Variants in HUNK observed in about 807,000 individuals in gnomAD.
HUNK encodes hormonally up-regulated Neu-associated kinase.
Under a neutral mutation model 61.0 loss-of-function variants are expected in HUNK, and 21 were observed. That is an observed-to-expected ratio of 0.34 (90% confidence interval 0.24 to 0.50). The LOEUF is 0.50. HUNK is among the 20% of genes least tolerant of loss of function. HUNK has a pLI of 0.98. For synonymous variants in HUNK, 371 were observed against 386.1 expected (o/e 0.96, Z 0.46); for missense variants, 772 against 945.7 (o/e 0.82, Z 2.41).
At chr21:31,929,532 C>T (rs1242398600) in intron 2 of HUNK, among the ~76,000 whole-genome samples, 6 of 152,144 alleles carry the variant, frequency 3.9e-5, no homozygotes, top group African/African-American at 7.2e-5. Flanking sequence ...CAACTCTTAA[C>T]GTGAATCACC....
intron 1 of HUNK, among the ~76,000 whole-genome samples, chr21:31,904,867 G>A (rs529104697): frequency 2.0e-5 from 3 of 152,230 alleles, no homozygotes; most frequent in East Asian, 3.9e-4. Context: ...CAAGGTGAAC[G>A]GATCACCTGA....
chr21:31,885,462 T>A (rs556125854), intron 1 of HUNK, among the ~76,000 whole-genome samples: 1 of 152,150 alleles, frequency 6.6e-6, no homozygotes, highest in East Asian at 1.9e-4. Context: ...CTCTGCTTTG[T>A]CCCTCCTCAC....
In HUNK at chr21:31,999,732, T is replaced by A. The variant is rs1299211363; in HGVS notation, c.*548T>A. The A allele has an allele frequency of 6.2e-6, 1 of 160,406 alleles. No individual in the cohort carries two copies. The highest frequency in any genetic ancestry group is 1.9e-4 in the East Asian group (1 of 5,396). The allele number at this position is 160,406 out of a possible 1,614,324, so 9.9% of individuals were successfully genotyped here. On this transcript the variant is annotated 3_prime_UTR_variant, in exon 11 of 11. Coordinates refer to ENST00000270112, the MANE Select transcript of HUNK (RefSeq NM_014586.2). ...CCTCAGAGGAAGATGGAGAGGAGCT[T>A]CGGACCAAGATCAAACCAAACAGTG...
At chr21:31,902,810 A>G (rs1468588336) in intron 1 of HUNK, among the ~76,000 whole-genome samples, 1 of 152,214 alleles carries the variant, frequency 6.6e-6, no homozygotes, top group Non-Finnish European at 1.5e-5. Context: ...GCTTAAGTTA[A>G]TCAGACAGTT....
chr21:31,990,566 C>T (rs933624737), intron 9 of HUNK, among the ~76,000 whole-genome samples: 18 of 138,948 alleles, frequency 1.3e-4, no homozygotes, highest in African/African-American at 4.2e-4. Flanking sequence ...TATTGAGTCT[C>T]GCTCTGTCGC....
At chr21:31,996,486 C>G (rs2053206864) in intron 10 of HUNK, among the ~76,000 whole-genome samples, 1 of 152,176 alleles carries the variant, frequency 6.6e-6, no homozygotes, top group African/African-American at 2.4e-5. Context: ...AGCTCCCTCA[C>G]CTGAGTCAGA....
rs769966135 is a variant in HUNK at position 31,873,868 on chromosome 21, G to A, written c.194G>A (p.Ser65Asn). The part of the protein sequence containing the change: ...HKRVGNYLIG[S>N]RKLGEGSFAK... ...CGCGTGGGCAACTACCTCATCGGCA[G>A]CAGGAAGCTGGGCGAGGGCTCCTTT... The change falls in exon 1 of 11, where the codon AGC becomes AAC. Residue 65 changes from serine to asparagine, a missense_variant. Ser to Asn is a conservative substitution (Grantham distance 46). Coordinates refer to ENST00000270112, the MANE Select transcript of HUNK (RefSeq NM_014586.2). This position sits in a 1 kb window ranked among gnomAD's most constrained non-coding sequence, Gnocchi z 6.1. 6.3e-7 allele frequency: 1 copy of A among 1,587,396 alleles called. No individual in the cohort carries two copies. The highest frequency in any genetic ancestry group is 1.1e-5 in the South Asian group (1 of 87,602).
intron 1 of HUNK, among the ~76,000 whole-genome samples, chr21:31,917,750 A>ACACACACC (rs2052595063): frequency 7.5e-6 from 1 of 132,484 alleles, no homozygotes; most frequent in African/African-American, 2.8e-5. Flanking sequence ...ACACACACAC[A>ACACACACC]CACACACCCC....
intron 1 of HUNK, among the ~76,000 whole-genome samples, chr21:31,917,961 G>A (rs903230171): frequency 1.3e-5 from 2 of 152,158 alleles, no homozygotes; most frequent in African/African-American, 2.4e-5. Flanking sequence ...CCCGACTCAA[G>A]TAGTTTATTT....
chr21:31,998,482 T>C (rs770920854), intron 10 of HUNK, 44 bp from the exon 11 acceptor site: 4 of 1,501,274 alleles, frequency 2.7e-6, no homozygotes, highest in East Asian at 2.3e-5. Context: ...CCGTGAGCAC[T>C]GTCCGGACGT....
Position 31,946,032 on chromosome 21 carries a change from G to A in HUNK, c.611-4G>A, listed in dbSNP as rs1204828788. 3.8e-6 allele frequency: 6 copies of A among 1,584,012 alleles called. No homozygotes were observed. Among genetic ancestry groups the A allele is most frequent in the Non-Finnish European group, 5.2e-6 (6 of 1,158,236 alleles). Reference sequence around the variant, plus strand: ...GAGCTTGTTTTGTTCACCTCTCTTTGCAGACTTTGGTTTGAGCAACTGCGC... The same window carrying A: ...GAGCTTGTTTTGTTCACCTCTCTTTACAGACTTTGGTTTGAGCAACTGCGC... On this transcript the variant is annotated splice_polypyrimidine_tract_variant and splice_region_variant and intron_variant, in intron 3 of 10. Coordinates refer to ENST00000270112, the MANE Select transcript of HUNK (RefSeq NM_014586.2).
chr21:31,950,394 A>C (rs529624215), intron 4 of HUNK, among the ~76,000 whole-genome samples: 3 of 152,312 alleles, frequency 2.0e-5, no homozygotes, highest in East Asian at 3.9e-4. Context: ...CAGCTGGGTT[A>C]AGTCAGGAAG....
chr21:31,908,424 G>T (rs1358575451), intron 1 of HUNK, among the ~76,000 whole-genome samples: 1 of 152,126 alleles, frequency 6.6e-6, no homozygotes, highest in African/African-American at 2.4e-5. Context: ...GCTGGCCAGG[G>T]CAGGGTGGTG....
intron 8 of HUNK, among the ~76,000 whole-genome samples, chr21:31,985,428 G>T (rs573495952): frequency 6.6e-6 from 1 of 152,328 alleles, no homozygotes; most frequent in East Asian, 1.9e-4. Context: ...TGAAGCAGGT[G>T]TCCAGAGACA....
At chr21:31,993,306 T>A (rs1026972163) in intron 9 of HUNK, among the ~76,000 whole-genome samples, 1 of 152,156 alleles carries the variant, frequency 6.6e-6, no homozygotes, top group African/African-American at 2.4e-5. Flanking sequence ...TCTTGATTGT[T>A]AAGCTTTTGA....
At chr21:31,987,481 C>A (rs2053141913) in intron 8 of HUNK, among the ~76,000 whole-genome samples, 1 of 152,210 alleles carries the variant, frequency 6.6e-6, no homozygotes, top group Non-Finnish European at 1.5e-5. Flanking sequence ...ACCTGCCCCA[C>A]TGCGAGTGTG....
At chr21:31,909,483 G>C (rs2052531160) in intron 1 of HUNK, among the ~76,000 whole-genome samples, 2 of 152,176 alleles carry the variant, frequency 1.3e-5, no homozygotes, top group Non-Finnish European at 2.9e-5. Context: ...CCTTTGCCCA[G>C]CACCTGGTTC....
intron 2 of HUNK, among the ~76,000 whole-genome samples, chr21:31,935,074 G>A (rs2052724291): frequency 6.6e-6 from 1 of 152,136 alleles, no homozygotes. Context: ...GAGTAGCTGA[G>A]CAGAGGGTCT....
intron 2 of HUNK, among the ~76,000 whole-genome samples, chr21:31,926,689 T>TA (rs2052662315): frequency 6.6e-6 from 1 of 152,178 alleles, no homozygotes; most frequent in South Asian, 2.1e-4. Flanking sequence ...CCTTCCTTTT[T>TA]ATGACTGCAT....
Sources: allele counts gnomAD v4.1 joint callset (sites outside exome capture counted in the v4.1 genomes callset), GRCh38; gene constraint gnomAD v4.1.1; non-coding constraint Gnocchi (gnomAD v3.1); transcripts MANE v1.5; gene names NCBI Gene and HGNC (gene_info 2026-07-23, HGNC 2026-07-21).